INPP5F: variants seen among roughly 807,000 people sequenced by gnomAD.
The protein encoded by INPP5F is phosphatidylinositide 4-phosphatase SAC2.
A neutral mutation model predicts 137.2 loss-of-function variants in INPP5F; 97 were observed. That is an observed-to-expected ratio of 0.71 (90% CI 0.60 to 0.84). The LOEUF is 0.84. Ranked by LOEUF, INPP5F falls within the 40% of genes least tolerant of loss-of-function variation. The pLI is 0.00. For missense variants in INPP5F, 1,271 were observed against 1,371.9 expected (o/e 0.93, Z 1.16); for synonymous variants, 504 against 476.9 (o/e 1.06, Z -0.74).
intron 2 of INPP5F, among the ~76,000 whole-genome samples, chr10:119,771,576 G>A (rs1849336599): frequency 6.6e-6 from 1 of 151,654 alleles, no homozygotes; most frequent in Admixed American, 6.6e-5. Context: ...GTTTCTTTAT[G>A]CATTTACAAA....
At chr10:119,825,885 A>C in intron 19 of INPP5F, 1 of 398,316 alleles carries the variant, frequency 2.5e-6, no homozygotes, top group East Asian at 3.6e-5. Context: ...TGCATGATCC[A>C]ACAGTACAAA....
rs1851828899 is a variant in INPP5F at position 119,827,723 on chromosome 10, GCAAAATGAA to G, written c.3344_3352del (p.Gln1115_Glu1117del). On this transcript the variant is annotated inframe_deletion, in exon 20 of 20. Transcript: ENST00000650623. ...AACCTGAAATCATTAATCAAGTCCA[GCAAAATGAA>G]CTTAAAAAGATGTTTATACAATGCC... 1 of 1,613,462 alleles carries G rather than the reference GCAAAATGAA, an allele frequency of 6.2e-7. No homozygotes were observed. The highest frequency in any genetic ancestry group is 2.2e-5 in the East Asian group (1 of 44,898).
chr10:119,801,292 C>T (rs1224869116), intron 9 of INPP5F, among the ~76,000 whole-genome samples: 1 of 152,130 alleles, frequency 6.6e-6, no homozygotes, highest in Non-Finnish European at 1.5e-5. Context: ...TAAAAAATCC[C>T]ACAAAACAAA....
At position 119,770,825 on chromosome 10, in the gene INPP5F, C is replaced by T. The variant is rs550122751; in HGVS notation, c.179-10810C>T. Among the ~76,000 whole-genome samples the T allele has an allele frequency of 8.3e-4, 127 of 152,250 alleles. 1 individual carries two copies. In the South Asian group the frequency reaches 0.026, roughly 31 times the overall value. On this transcript the variant is annotated intron_variant, in intron 2 of 19. Transcript: ENST00000650623. ...GAATTATAGGCTGTCCTATCCTAAC[C>T]TCCATTTTTGGCAGAAAGTATACTT...
At chr10:119,741,591 G>C (rs1356156340) in intron 1 of INPP5F, among the ~76,000 whole-genome samples, 3 of 152,184 alleles carry the variant, frequency 2.0e-5, no homozygotes. Flanking sequence ...CTGGAGTGCA[G>C]TGGCGTGATC....
chr10:119,813,354 A>G (rs149180552), intron 15 of INPP5F, among the ~76,000 whole-genome samples: 3,215 of 152,314 alleles, frequency 0.021, 46 homozygotes, highest in Non-Finnish European at 0.034. Flanking sequence ...TTATATTAAT[A>G]AAAATAATGA....
At chr10:119,825,109 T>A (rs1055098209) in intron 19 of INPP5F, among the ~76,000 whole-genome samples, 2 of 152,220 alleles carry the variant, frequency 1.3e-5, no homozygotes, top group Non-Finnish European at 2.9e-5. Flanking sequence ...ATGAACTGAA[T>A]AACGCACTCA....
chr10:119,789,638 T>C (rs549493140), intron 3 of INPP5F, among the ~76,000 whole-genome samples: 4 of 152,160 alleles, frequency 2.6e-5, no homozygotes, highest in African/African-American at 7.2e-5. Context: ...GAGTTTGAGA[T>C]GTCTGGTAGA....
rs1435984352 is a variant in INPP5F, at chr10:119,751,487, A to G, written c.178+331A>G. The stretch of plus-strand genomic sequence containing the variant: ...AAAGCTGGAGAGGCAGGCAGGTGGC[A>G]GACCATGACTGGTTGGCTTTATGTC... On this transcript the variant is annotated intron_variant, in intron 2 of 19. Coordinates refer to ENST00000650623, the MANE Select transcript of INPP5F (RefSeq NM_014937.4). Among the ~76,000 whole-genome samples, 3 of 152,216 alleles carry G rather than the reference A, an allele frequency of 2.0e-5. No homozygotes were observed. In the East Asian group the frequency reaches 5.8e-4, roughly 29 times the overall value.
intron 15 of INPP5F, chr10:119,819,522 A>G (rs1421903123): frequency 1.9e-6 from 3 of 1,605,306 alleles, no homozygotes; most frequent in East Asian, 2.2e-5. Flanking sequence ...GGCTCAAGCA[A>G]CAATTTTCAG....
In INPP5F at chr10:119,786,957, G is replaced by T. The variant is rs528785275; in HGVS notation, c.316-4560G>T. On this transcript the variant is annotated intron_variant, in intron 3 of 19. Coordinates refer to ENST00000650623, the MANE Select transcript of INPP5F (RefSeq NM_014937.4). Reference sequence around the variant, plus strand: ...CTGAACTTCTTGGGGGGCCATATTTGTTTTAGAATTCAAGTTTTTTGGGGT... The same window carrying T: ...CTGAACTTCTTGGGGGGCCATATTTTTTTTAGAATTCAAGTTTTTTGGGGT... 2.6e-4 allele frequency among the ~76,000 whole-genome samples: 40 copies of T among 152,142 alleles called. No individual in the cohort carries two copies. In the South Asian group the frequency reaches 8.1e-3, roughly 31 times the overall value.
rs1232535937 is a variant in INPP5F, at chr10:119,787,484, G to A, written c.316-4033G>A. Among the ~76,000 whole-genome samples the A allele has an allele frequency of 6.6e-6, 1 of 152,108 alleles. No individual in the cohort carries two copies. Among genetic ancestry groups the A allele is most frequent in the Non-Finnish European group, 1.5e-5 (1 of 68,022 alleles). ...CCTCAGCTACTCGGGAGGCTAAGGT[G>A]GAAGAACCGCTTGGATCTGGGAGGC... On this transcript the variant is annotated intron_variant, in intron 3 of 19. Transcript: ENST00000650623. This position sits in a 1 kb window ranked among gnomAD's most constrained non-coding sequence, Gnocchi z 4.1.
intron 15 of INPP5F, chr10:119,819,346 AC>A (rs1395670253): frequency 8.9e-6 from 11 of 1,236,130 alleles, no homozygotes; most frequent in Non-Finnish European, 1.1e-5. Flanking sequence ...ACTGCCTGTT[AC>A]GTGCCAAGTG....
rs148348557 is a variant in INPP5F at position 119,729,153 on chromosome 10, G to A, written c.97+2794G>A. Among the ~76,000 whole-genome samples, 72 of 152,116 alleles carry A rather than the reference G, an allele frequency of 4.7e-4. No individual in the cohort carries two copies. In the East Asian group the frequency reaches 0.011, roughly 23 times the overall value. ...TTTTTTTGGGGGAGGGGGAAAGGGCGGGGCGGGCAGTGGACAGAGTCTTGC... is the reference window on the plus strand; with the variant it reads ...TTTTTTTGGGGGAGGGGGAAAGGGCAGGGCGGGCAGTGGACAGAGTCTTGC... On this transcript the variant is annotated intron_variant, in intron 1 of 19. Coordinates refer to ENST00000650623, the MANE Select transcript of INPP5F (RefSeq NM_014937.4).
chr10:119,750,998 C>G (rs1848675906), intron 1 of INPP5F, 78 bp from the exon 2 acceptor site: 1 of 929,788 alleles, frequency 1.1e-6, no homozygotes, highest in South Asian at 1.4e-5. Context: ...GATTTTTTTT[C>G]AATACACTGC....
intron 1 of INPP5F, among the ~76,000 whole-genome samples, chr10:119,745,127 C>T (rs977937992): frequency 2.0e-4 from 31 of 151,976 alleles, no homozygotes; most frequent in African/African-American, 7.5e-4. Context: ...CTGCTGTATA[C>T]GCTATCCTTT....
At chr10:119,737,683 T>G (rs1272780509) in intron 1 of INPP5F, among the ~76,000 whole-genome samples, 1 of 152,210 alleles carries the variant, frequency 6.6e-6, no homozygotes, top group Non-Finnish European at 1.5e-5. Flanking sequence ...AACTTTGCAT[T>G]TATAAGATAG....
chr10:119,815,062 T>G (rs1431977610), intron 15 of INPP5F, among the ~76,000 whole-genome samples: 2 of 152,118 alleles, frequency 1.3e-5, no homozygotes, highest in African/African-American at 4.8e-5. Context: ...AGATGGCGTT[T>G]CACCCTGTTA....
chr10:119,828,853 A>C lies in INPP5F; in HGVS notation c.*1073A>C, dbSNP rs1851878202. 2.0e-5 allele frequency: 3 copies of C among 152,460 alleles called. No individual in the cohort carries two copies. The South Asian group carries it at 6.2e-4, about 32-fold the overall frequency. The allele number at this position is 152,460 out of a possible 1,614,324, so 9.4% of individuals were successfully genotyped here. A position where few individuals can be genotyped will look rare whatever the true frequency, so the allele number is the denominator to read the frequency against. On this transcript the variant is annotated 3_prime_UTR_variant, in exon 20 of 20. Transcript: ENST00000650623. ...CAGAGCAAGACCGTGTCTCAAAAACAATTTAGTCTGAAACACAATTGTGCT... is the reference window on the plus strand; with the variant it reads ...CAGAGCAAGACCGTGTCTCAAAAACCATTTAGTCTGAAACACAATTGTGCT...
Sources: gnomAD v4.1 joint callset for allele counts (sites outside exome capture counted in the v4.1 genomes callset) on GRCh38, gnomAD v4.1.1 for gene constraint, Gnocchi (gnomAD v3.1) non-coding constraint, MANE v1.5 for transcripts, NCBI Gene and HGNC (gene_info 2026-07-23, HGNC 2026-07-21) for gene names.